FSTL5: variants seen among roughly 807,000 people sequenced by gnomAD.
FSTL5 encodes follistatin like 5.
A neutral mutation model predicts 89.1 loss-of-function variants in FSTL5; 62 were observed. The ratio of observed to expected loss-of-function variants is 0.70; its 90% CI spans 0.57 to 0.86. FSTL5 has a LOEUF of 0.86. Ranked by LOEUF, FSTL5 falls within the 40% of genes least tolerant of loss-of-function variation. FSTL5 has a pLI of 0.00. For missense variants in FSTL5, 1,057 were observed against 1,001.6 expected, an observed-to-expected ratio of 1.06 and a Z score of -0.75; for synonymous variants, 383 against 346.2, an observed-to-expected ratio of 1.11 and a Z score of -1.18.
chr4:161,556,032 T>C (rs1229935156), intron 8 of FSTL5, among the ~76,000 whole-genome samples: 1 of 151,578 alleles, frequency 6.6e-6, no homozygotes, highest in African/African-American at 2.4e-5. Flanking sequence ...CATGACGTAT[T>C]CCAAACTGGT....
At chr4:161,695,602 G>A (rs944626962) in intron 6 of FSTL5, among the ~76,000 whole-genome samples, 3 of 151,930 alleles carry the variant, frequency 2.0e-5, no homozygotes, top group Admixed American at 6.6e-5. Context: ...TATCATTTTC[G>A]TGTAATGACT....
At chr4:161,404,780 T>C (rs1258512367) in intron 15 of FSTL5, among the ~76,000 whole-genome samples, 1 of 150,538 alleles carries the variant, frequency 6.6e-6, no homozygotes, top group East Asian at 1.9e-4. Context: ...CTACATTATA[T>C]ATTAAATGTG....
At chr4:161,991,850 G>A (rs1736120126) in intron 3 of FSTL5, among the ~76,000 whole-genome samples, 1 of 152,156 alleles carries the variant, frequency 6.6e-6, no homozygotes, top group South Asian at 2.1e-4. Flanking sequence ...GAGAATGAGA[G>A]ATTTCCATTT....
chr4:161,404,946 C>T (rs549123660), intron 15 of FSTL5, among the ~76,000 whole-genome samples: 1 of 151,938 alleles, frequency 6.6e-6, no homozygotes, highest in Non-Finnish European at 1.5e-5. Flanking sequence ...AAAATTTGCT[C>T]GTAGCTGGGG....
At chr4:162,139,963 A>G (rs772008727) in intron 1 of FSTL5, among the ~76,000 whole-genome samples, 2 of 152,158 alleles carry the variant, frequency 1.3e-5, no homozygotes, top group Non-Finnish European at 1.5e-5. Flanking sequence ...GAAGAAATGG[A>G]CAACAGACCT....
intron 4 of FSTL5, among the ~76,000 whole-genome samples, chr4:161,884,465 T>C (rs72981135): frequency 5.9e-5 from 9 of 152,316 alleles, no homozygotes; most frequent in African/African-American, 2.2e-4. Flanking sequence ...TATGTCTCAT[T>C]AGGTTTCTAA....
Position 161,412,803 on chromosome 4 carries a change from A to C in FSTL5, c.1842-26354T>G, listed in dbSNP as rs533043910. Among the ~76,000 whole-genome samples, 63 of 152,308 alleles carry C rather than the reference A, an allele frequency of 4.1e-4. 1 individual carries two copies. The South Asian group carries it at 7.7e-3, about 19-fold the overall frequency. On this transcript the variant is annotated intron_variant, in intron 15 of 15. Transcript: ENST00000306100. ...TAATCTTCAACAAGGCCAAGAAAAC[A>C]AAAAAGCAACGTGGAAAGGACTTGC... is the stretch of plus-strand genomic sequence containing the variant.
In FSTL5 at chr4:162,163,597, CAA is replaced by C. The variant is rs1441546866; in HGVS notation, c.-17+16_-17+17del. 6.6e-6 allele frequency: 1 copy of C among 150,806 alleles called. No homozygotes were observed. Among genetic ancestry groups the C allele is most frequent in the Non-Finnish European group, 1.5e-5 (1 of 67,830 alleles). 9.3% of individuals were successfully genotyped at this position (150,806 alleles called of 1,614,324 possible). ...CTCCCCCACTTGTAATCATTTATAA[CAA>C]TATTATTTTTCTTACCTTATTTTAA... On this transcript the variant is annotated intron_variant, in intron 1 of 15. Coordinates refer to ENST00000306100, the MANE Select transcript of FSTL5 (RefSeq NM_020116.5).
chr4:161,840,999 G>A (rs914587305), intron 4 of FSTL5, among the ~76,000 whole-genome samples: 1 of 152,094 alleles, frequency 6.6e-6, no homozygotes, highest in Non-Finnish European at 1.5e-5. Context: ...ACTGAATGTT[G>A]GCTGCATCCC....
chr4:161,955,410 AT>A (rs565895606), intron 3 of FSTL5, among the ~76,000 whole-genome samples: 126 of 151,882 alleles, frequency 8.3e-4, no homozygotes, highest in Non-Finnish European at 1.5e-3. Flanking sequence ...ACAAAAAAAA[AT>A]GTTTTAAGTA....
At chr4:161,888,656 T>A (rs1231451244) in intron 4 of FSTL5, among the ~76,000 whole-genome samples, 1 of 152,058 alleles carries the variant, frequency 6.6e-6, no homozygotes, top group Non-Finnish European at 1.5e-5. Context: ...TGGTAATGGG[T>A]GATAAGAACT....
At chr4:161,829,150 T>TAC (rs1730762649) in intron 4 of FSTL5, among the ~76,000 whole-genome samples, 2 of 147,204 alleles carry the variant, frequency 1.4e-5, no homozygotes, top group Non-Finnish European at 3.0e-5. Context: ...TATATATATA[T>TAC]ATATATATAT....
intron 2 of FSTL5, among the ~76,000 whole-genome samples, chr4:162,098,842 A>G (rs954975994): frequency 3.3e-5 from 5 of 152,114 alleles, no homozygotes; most frequent in African/African-American, 1.2e-4. Flanking sequence ...ATTTTCAACA[A>G]ACGCTTCTGG....
chr4:162,118,287 A>G (rs1731724588), intron 1 of FSTL5, among the ~76,000 whole-genome samples: 1 of 150,346 alleles, frequency 6.7e-6, no homozygotes, highest in Non-Finnish European at 1.5e-5. Context: ...TTTTGACGGA[A>G]TCTCGCTCTG....
At chr4:161,872,162 G>C (rs1374683864) in intron 4 of FSTL5, among the ~76,000 whole-genome samples, 1 of 29,574 alleles carries the variant, frequency 3.4e-5, no homozygotes, top group Non-Finnish European at 8.3e-5. Flanking sequence ...TTTTTTTGTA[G>C]AGACAAGGAT....
At chr4:161,400,025 CTA>C (rs1197070018) in intron 15 of FSTL5, among the ~76,000 whole-genome samples, 2 of 152,010 alleles carry the variant, frequency 1.3e-5, no homozygotes, top group African/African-American at 4.8e-5. Flanking sequence ...ATAAAATAGA[CTA>C]GTATCTAAAT....
At position 161,474,569 on chromosome 4, in the gene FSTL5, G is replaced by A. The variant is rs556037431; in HGVS notation, c.1608+6451C>T. ...GGTTTTTTTTTTTTTTGAGATGGGC[G>A]GAGTCTCGCTCTCTCGCTCAGGCTG... On this transcript the variant is annotated intron_variant, in intron 13 of 15. Transcript: ENST00000306100. Among the ~76,000 whole-genome samples the A allele has an allele frequency of 6.3e-4, 93 of 147,704 alleles. 1 individual carries two copies. The highest frequency in any genetic ancestry group is 1.4e-3 in the African/African-American group (58 of 40,208).
chr4:161,480,103 A>C (rs752743451), intron 13 of FSTL5, among the ~76,000 whole-genome samples: 2 of 152,158 alleles, frequency 1.3e-5, no homozygotes, highest in Non-Finnish European at 2.9e-5. Context: ...ATTGACTGAA[A>C]ACATTCTCTG....
intron 15 of FSTL5, among the ~76,000 whole-genome samples, chr4:161,415,998 T>C (rs1731767737): frequency 6.6e-6 from 1 of 152,002 alleles, no homozygotes; most frequent in Admixed American, 6.6e-5. Flanking sequence ...TTCAGCATAG[T>C]CAATACATAA....
Sources: gnomAD v4.1 joint callset for allele counts (sites outside exome capture counted in the v4.1 genomes callset) on GRCh38, gnomAD v4.1.1 for gene constraint, MANE v1.5 for transcripts, NCBI Gene and HGNC (gene_info 2026-07-23, HGNC 2026-07-21) for gene names.